CACNA1C: variants seen among roughly 807,000 people sequenced by gnomAD.
CACNA1C encodes voltage-dependent L-type calcium channel subunit alpha-1C.
CACNA1C carries 30 observed loss-of-function variants against 229.0 expected under a neutral mutation model. The ratio of observed to expected loss-of-function variants is 0.13; its 90% CI spans 0.10 to 0.18. CACNA1C has a LOEUF of 0.18. CACNA1C is among the 10% of genes least tolerant of loss of function. The pLI, the probability that CACNA1C is intolerant of heterozygous loss-of-function variation, is 1.00. For missense variants in CACNA1C, 1,658 were observed against 2,845.0 expected (o/e 0.58, Z 9.49); for synonymous variants, 1,114 against 1,132.5 (o/e 0.98, Z 0.33).
rs779914106 is a variant in CACNA1C, at chr12:2,691,193, C to T, written c.6411C>T (p.Ser2137=). ...AGGACAGCAGGGTCTACGTCAGCAG[C>T]CTGTAGTGGGCGCTGCCAGATGCGG... ...ELQDSRVYVS[S]L The change falls in exon 47 of 47, where the codon AGC becomes AGT. Residue 2137 remains serine, a synonymous_variant. Coordinates refer to ENST00000399655, the MANE Select transcript of CACNA1C (RefSeq NM_000719.7). 1.3e-6 allele frequency: 2 copies of T among 1,556,526 alleles called. No individual in the cohort carries two copies. The highest frequency in any genetic ancestry group is 4.0e-5 in the Admixed American group (2 of 49,824).
intron 1 of CACNA1C, among the ~76,000 whole-genome samples, chr12:2,036,894 G>T (rs1043387528): frequency 2.6e-5 from 4 of 152,194 alleles, no homozygotes; most frequent in Non-Finnish European, 5.9e-5. Context: ...CACTGGAGGG[G>T]TTAGCACAGG....
intron 3 of CACNA1C, among the ~76,000 whole-genome samples, chr12:2,210,740 A>C (rs2097894139): frequency 6.6e-6 from 1 of 152,200 alleles, no homozygotes; most frequent in South Asian, 2.1e-4. Context: ...GCATTAAGTT[A>C]ATTTTTTCAT....
rs1482449209 is a variant in CACNA1C at position 2,602,726 on chromosome 12, C to T, written c.2960+766C>T. 6.6e-6 allele frequency among the ~76,000 whole-genome samples: 1 copy of T among 151,500 alleles called. No individual in the cohort carries two copies. The highest frequency in any genetic ancestry group is 1.5e-5 in the Non-Finnish European group (1 of 67,952). On this transcript the variant is annotated intron_variant, in intron 22 of 46. Transcript: ENST00000399655. The surrounding 1 kb of genome is among the most constrained non-coding windows in gnomAD (Gnocchi z 4.4). ...TCTGGGTGTGAGTTCTAAGAGCTTT[C>T]CAGGTGACTCCCCTGTACAGCCAAG...
At chr12:2,266,089 G>T (rs1482852005) in intron 3 of CACNA1C, among the ~76,000 whole-genome samples, 1 of 152,180 alleles carries the variant, frequency 6.6e-6, no homozygotes, top group Admixed American at 6.5e-5. Context: ...AGAAACTCAG[G>T]CAACCAAGGC....
chr12:2,174,928 T>G (rs550464711), intron 3 of CACNA1C, among the ~76,000 whole-genome samples: 1 of 152,260 alleles, frequency 6.6e-6, no homozygotes, highest in East Asian at 1.9e-4. Context: ...CTCCTTGTCT[T>G]CACATTGAGC....
chr12:2,529,199 A>C (rs1383508804), intron 9 of CACNA1C, among the ~76,000 whole-genome samples: 1 of 152,156 alleles, frequency 6.6e-6, no homozygotes, highest in Non-Finnish European at 1.5e-5. Context: ...CCCCACCTTC[A>C]AAGCCCCATC....
At position 2,608,787 on chromosome 12, in the gene CACNA1C, G is replaced by A; in HGVS notation, c.3558+75G>A. 2 of 1,463,500 alleles carry A rather than the reference G, an allele frequency of 1.4e-6. No individual in the cohort carries two copies. 90.7% of individuals were successfully genotyped at this position (1,463,500 alleles called of 1,614,324 possible). The stretch of plus-strand genomic sequence containing the variant: ...GCAGCCTGCGGCCCACCCCGCAGAG[G>A]GGCTGCGACAGGGAGAGGCCGTGCA... On this transcript the variant is annotated intron_variant, in intron 27 of 46. Transcript: ENST00000399655. This position sits in a 1 kb window ranked among gnomAD's most constrained non-coding sequence, Gnocchi z 4.2.
In CACNA1C at chr12:2,566,435, C is replaced by T. The variant is rs776805699; in HGVS notation, c.1522C>T (p.Arg508Trp). Reference protein sequence around the residue: ...SKSKFSRYWRRWNRFCRRKCR... With the variant: ...SKSKFSRYWRWWNRFCRRKCR... The stretch of plus-strand genomic sequence containing the variant: ...TCCCCTTTCCAGCCGCTACTGGCGC[C>T]GGTGGAATCGGTTCTGCAGAAGGAA... The change falls in exon 12 of 47, where the codon CGG (arginine) becomes TGG (tryptophan). Residue 508 changes from arginine to tryptophan, a missense_variant. Arg to Trp is a moderately radical substitution (Grantham distance 101). Transcript: ENST00000399655. This position sits in a 1 kb window ranked among gnomAD's most constrained non-coding sequence, Gnocchi z 4.0. The T allele has an allele frequency of 1.1e-5, 17 of 1,593,782 alleles. No homozygotes were observed. The highest frequency in any genetic ancestry group is 1.3e-5 in the African/African-American group (1 of 74,448).
intron 3 of CACNA1C, among the ~76,000 whole-genome samples, chr12:2,424,546 CTT>C (rs1452467524): frequency 1.3e-5 from 2 of 152,200 alleles, no homozygotes; most frequent in African/African-American, 2.4e-5. Flanking sequence ...CATTAGGACA[CTT>C]TGCAGAAAGC....
chr12:2,288,396 A>G (rs1438865947), intron 3 of CACNA1C, among the ~76,000 whole-genome samples: 3 of 152,178 alleles, frequency 2.0e-5, no homozygotes, highest in Non-Finnish European at 4.4e-5. Context: ...TTGGCAACCT[A>G]GAAAGCATGG....
At chr12:2,505,180 G>C (rs2099768867) in intron 8 of CACNA1C, among the ~76,000 whole-genome samples, 1 of 151,948 alleles carries the variant, frequency 6.6e-6, no homozygotes, top group African/African-American at 2.4e-5. Flanking sequence ...GGTCCAGCTG[G>C]CCCCTCCCAG....
chr12:2,269,321 G>A (rs189389499), intron 3 of CACNA1C, among the ~76,000 whole-genome samples: 1 of 152,288 alleles, frequency 6.6e-6, no homozygotes, highest in East Asian at 1.9e-4. Flanking sequence ...TCTGCTATCT[G>A]TGTATGTGCT....
chr12:2,140,450 A>T (rs2154191436), intron 3 of CACNA1C, among the ~76,000 whole-genome samples: 1 of 151,496 alleles, frequency 6.6e-6, no homozygotes, highest in South Asian at 2.1e-4. Context: ...CTGTTCATGG[A>T]CTAGGGATTC....
At position 2,602,026 on chromosome 12, in the gene CACNA1C, C is replaced by G; in HGVS notation, c.2960+66C>G. The G allele has an allele frequency of 5.4e-6, 6 of 1,110,450 alleles. No homozygotes were observed. Among genetic ancestry groups the G allele is most frequent in the Non-Finnish European group, 8.3e-6 (6 of 723,940 alleles). The allele number at this position is 1,110,450 out of a possible 1,614,324, so 68.8% of individuals were successfully genotyped here. On this transcript the variant is annotated intron_variant, in intron 22 of 46. Coordinates refer to ENST00000399655, the MANE Select transcript of CACNA1C (RefSeq NM_000719.7). This position sits in a 1 kb window ranked among gnomAD's most constrained non-coding sequence, Gnocchi z 4.4. The stretch of plus-strand genomic sequence containing the variant: ...AGCAAGGGGTGCCAGAGAGGACAAC[C>G]AGACCCTGGAGGGCCTGCCTGCAGG...
intron 7 of CACNA1C, among the ~76,000 whole-genome samples, chr12:2,501,951 G>A (rs756408481): frequency 8.5e-5 from 13 of 152,190 alleles, no homozygotes; most frequent in Non-Finnish European, 1.8e-4. Context: ...AACAATTGCC[G>A]ACTTCTGCAA....
At chr12:2,484,284 C>T (rs2099688685) in intron 5 of CACNA1C, among the ~76,000 whole-genome samples, 1 of 152,140 alleles carries the variant, frequency 6.6e-6, no homozygotes, top group African/African-American at 2.4e-5. Context: ...TGGGGAAAAG[C>T]ATTCCAGGTT....
At chr12:2,006,227 G>C (rs565256402) in intron 1 of CACNA1C, among the ~76,000 whole-genome samples, 1 of 152,040 alleles carries the variant, frequency 6.6e-6, no homozygotes, top group Admixed American at 6.6e-5. Context: ...GGCCAACATG[G>C]TGAAACCCCG....
chr12:2,301,099 G>A (rs1391392935), intron 3 of CACNA1C, among the ~76,000 whole-genome samples: 3 of 152,152 alleles, frequency 2.0e-5, no homozygotes, highest in Non-Finnish European at 4.4e-5. Flanking sequence ...TCCTCAGGGC[G>A]GCATCTGCCC....
chr12:2,384,048 C>T (rs547493601), intron 3 of CACNA1C, among the ~76,000 whole-genome samples: 1 of 152,312 alleles, frequency 6.6e-6, no homozygotes, highest in South Asian at 2.1e-4. Flanking sequence ...TCATCTGAAC[C>T]TCAGCAAACT....
Sources: allele counts gnomAD v4.1 joint callset (sites outside exome capture counted in the v4.1 genomes callset), GRCh38; gene constraint gnomAD v4.1.1; non-coding constraint Gnocchi (gnomAD v3.1); transcripts MANE v1.5; gene names NCBI Gene and HGNC (gene_info 2026-07-23, HGNC 2026-07-21).